FAM20B: variants seen among roughly 807,000 people sequenced by gnomAD.
The protein encoded by FAM20B is FAM20B glycosaminoglycan xylosylkinase.
A neutral mutation model predicts 43.8 loss-of-function variants in FAM20B; 23 were observed. The ratio of observed to expected loss-of-function variants is 0.53; its 90% CI spans 0.38 to 0.74. The LOEUF (loss-of-function observed/expected upper bound fraction) is 0.74. Ranked by LOEUF, FAM20B falls within the 30% of genes least tolerant of loss-of-function variation. The pLI is 0.00. For synonymous variants in FAM20B, 178 were observed against 192.4 expected, an observed-to-expected ratio of 0.93 and a Z score of 0.62; for missense variants, 440 against 510.5, an observed-to-expected ratio of 0.86 and a Z score of 1.33.
chr1:179,064,241 CTT>C, intron 5 of FAM20B, 62 bp from the exon 6 acceptor site: 1 of 1,468,056 alleles, frequency 6.8e-7, no homozygotes, highest in Non-Finnish European at 9.3e-7. Flanking sequence ...TCTGTCTTCT[CTT>C]TGTGTGTAAC....
At chr1:179,056,411 GT>G (rs1217262905) in intron 4 of FAM20B, among the ~76,000 whole-genome samples, 3 of 152,136 alleles carry the variant, frequency 2.0e-5, no homozygotes, top group African/African-American at 7.2e-5. Flanking sequence ...TTTCAGAGTG[GT>G]TTCTTTCACT....
intron 7 of FAM20B, among the ~76,000 whole-genome samples, chr1:179,070,818 C>G (rs1007732791): frequency 6.6e-6 from 1 of 151,748 alleles, no homozygotes; most frequent in African/African-American, 2.4e-5. Context: ...CGCTCCTGGC[C>G]TTGAACTTGC....
intron 4 of FAM20B, among the ~76,000 whole-genome samples, chr1:179,061,896 T>C (rs1358525267): frequency 6.6e-6 from 1 of 152,148 alleles, no homozygotes; most frequent in Non-Finnish European, 1.5e-5. Flanking sequence ...ATTTGGCCGG[T>C]GGGAACCTCT....
Position 179,072,149 on chromosome 1 carries a change from C to T in FAM20B, c.*5C>T, listed in dbSNP as rs371360556. On this transcript the variant is annotated 3_prime_UTR_variant, in exon 8 of 8. Coordinates refer to ENST00000263733, the MANE Select transcript of FAM20B (RefSeq NM_014864.4). ...ATGCCTCTCTCACACTTGTAATTCT[C>T]GACACAAAATAAGTGAAACTTCTTT... 39 of 1,595,426 alleles carry T rather than the reference C, an allele frequency of 2.4e-5. 1 individual carries two copies. The highest frequency in any genetic ancestry group is 6.6e-5 in the South Asian group (6 of 90,382).
intron 3 of FAM20B, among the ~76,000 whole-genome samples, chr1:179,051,228 T>TG (rs971920578): frequency 1.3e-5 from 2 of 152,190 alleles, no homozygotes; most frequent in African/African-American, 2.4e-5. Context: ...TCAGGAACCT[T>TG]GCAGCTGAAC....
At chr1:179,056,276 A>G (rs1236714870) in intron 4 of FAM20B, among the ~76,000 whole-genome samples, 2 of 152,188 alleles carry the variant, frequency 1.3e-5, no homozygotes, top group Admixed American at 6.5e-5. Context: ...AAAATCCTCT[A>G]TGTTCCACCT....
intron 4 of FAM20B, 113 bp downstream of exon 4, chr1:179,054,751 C>T (rs1651141796): frequency 1.8e-6 from 1 of 543,554 alleles, no homozygotes; most frequent in Admixed American, 3.2e-5. Context: ...CAGTGGAATA[C>T]AAAAGCAAAT....
rs547092559 is a variant in FAM20B, at chr1:179,028,420, A to G, written c.-134+2322A>G. Among the ~76,000 whole-genome samples the G allele has an allele frequency of 5.1e-4, 77 of 152,330 alleles. No individual in the cohort carries two copies. The South Asian group carries it at 6.4e-3, about 13-fold the overall frequency. ...AACATGGTGAAACCCCGTCTCTACT[A>G]AAAATACAAAAATTAGCTGTGCATG... On this transcript the variant is annotated intron_variant, in intron 1 of 7. Coordinates refer to ENST00000263733, the MANE Select transcript of FAM20B (RefSeq NM_014864.4).
At chr1:179,065,876 G>T (rs532352193) in intron 6 of FAM20B, among the ~76,000 whole-genome samples, 3 of 152,326 alleles carry the variant, frequency 2.0e-5, no homozygotes, top group South Asian at 2.1e-4. Flanking sequence ...GGTGCCAGCA[G>T]ATTCAGTGTC....
intron 1 of FAM20B, among the ~76,000 whole-genome samples, chr1:179,041,631 G>C (rs1366189284): frequency 7.8e-6 from 1 of 128,926 alleles, no homozygotes; most frequent in Non-Finnish European, 1.7e-5. Context: ...AGAGGGAGAG[G>C]GAGACCGTGG....
At chr1:179,018,551 C>G in the FAM20B span, among the ~76,000 whole-genome samples, 1 of 152,164 alleles carries the variant, frequency 6.6e-6, no homozygotes, top group Non-Finnish European at 1.5e-5. Context: ...AGGTGATCCT[C>G]CCGCCTCAGC....
intron 7 of FAM20B, among the ~76,000 whole-genome samples, chr1:179,070,699 A>T (rs1051216240): frequency 6.6e-6 from 1 of 151,254 alleles, no homozygotes; most frequent in East Asian, 2.0e-4. Flanking sequence ...TAATTTTTGT[A>T]TTTTTAGTAG....
In FAM20B at chr1:179,071,845, A is replaced by C. The variant is rs1651935600; in HGVS notation, c.999-68A>C. 3 of 1,095,462 alleles carry C rather than the reference A, an allele frequency of 2.7e-6. No homozygotes were observed. The Admixed American group carries it at 5.7e-5, about 21-fold the overall frequency. 67.9% of individuals were successfully genotyped at this position (1,095,462 alleles called of 1,614,324 possible). On this transcript the variant is annotated intron_variant, in intron 7 of 7. Transcript: ENST00000263733. ...ATTATTTTTTCACTTTTGTCTGCCT[A>C]GCAGGCTTTCAACTCCGTTTGATAA...
chr1:179,045,914 A>C (rs777268879), intron 2 of FAM20B, among the ~76,000 whole-genome samples: 2 of 151,766 alleles, frequency 1.3e-5, no homozygotes, highest in African/African-American at 2.4e-5. Context: ...CCAAAAAACA[A>C]AAAAAAACCG....
At chr1:179,025,654 G>A (rs1217471603), upstream of FAM20B, 1 of 152,486 alleles carries the variant, frequency 6.6e-6, no homozygotes, top group Non-Finnish European at 1.5e-5. Context: ...AGAAGTGAGA[G>A]GCCAGTTTAT....
At chr1:179,049,374 G>A (rs1443818992) in intron 2 of FAM20B, among the ~76,000 whole-genome samples, 6 of 152,034 alleles carry the variant, frequency 3.9e-5, no homozygotes, top group Admixed American at 3.3e-4. Context: ...AGGACTCCTT[G>A]TAGTACGTCA....
chr1:179,066,651 G>A (rs530559899), intron 6 of FAM20B, 149 bp from the exon 7 acceptor site: 30 of 634,434 alleles, frequency 4.7e-5, no homozygotes, highest in Admixed American at 1.0e-4. Context: ...GTCATGCCCC[G>A]CTTGTTTTCA....
In FAM20B at chr1:179,075,330, C is replaced by G. The variant is rs1224335292; in HGVS notation, c.*3186C>G. The G allele has an allele frequency of 6.6e-6, 1 of 152,004 alleles. No homozygotes were observed. The highest frequency in any genetic ancestry group is 1.5e-5 in the Non-Finnish European group (1 of 68,004). The allele number at this position is 152,004 out of a possible 1,614,324, so 9.4% of individuals were successfully genotyped here. A position where few individuals can be genotyped will look rare whatever the true frequency, so the allele number is the denominator to read the frequency against. On this transcript the variant is annotated 3_prime_UTR_variant, in exon 8 of 8. Transcript: ENST00000263733. ...AAGTTAGGTATGCCTACCAAACATC[C>G]AAAGGTAGACGTGGAGACATTTTAA...
intron 4 of FAM20B, among the ~76,000 whole-genome samples, chr1:179,063,276 CA>C (rs201471766): frequency 6.7e-6 from 1 of 149,534 alleles, no homozygotes; most frequent in Non-Finnish European, 1.5e-5. Flanking sequence ...GACTCAGTCT[CA>C]AAAAAAAATA....
Sources: allele counts gnomAD v4.1 joint callset (sites outside exome capture counted in the v4.1 genomes callset), GRCh38; gene constraint gnomAD v4.1.1; transcripts MANE v1.5; gene names NCBI Gene and HGNC (gene_info 2026-07-23, HGNC 2026-07-21).